The following PTPRD variants were observed in gnomAD, a reference collection of about 807,000 sequenced individuals.
PTPRD encodes the protein receptor-type tyrosine-protein phosphatase delta.
Under a neutral mutation model 214.5 loss-of-function variants are expected in PTPRD, and 34 were observed. That is an observed-to-expected ratio of 0.16 (90% confidence interval 0.12 to 0.21). The LOEUF (loss-of-function observed/expected upper bound fraction) is 0.21. PTPRD is among the 10% of genes least tolerant of loss of function. PTPRD has a pLI of 1.00. For missense variants in PTPRD, 2,545 were observed against 2,398.7 expected, an observed-to-expected ratio of 1.06 and a Z score of -1.27; for synonymous variants, 1,128 against 845.7, an observed-to-expected ratio of 1.33 and a Z score of -5.79.
Position 9,382,087 on chromosome 9 carries a change from T to G in PTPRD, c.-203+15362A>C, listed in dbSNP as rs183497079. ...GCTCTGTAGTTTTCAGTATATGAGT[T>G]TTTCATTTCCTTGTTTAAGTTTATT... On this transcript the variant is annotated intron_variant, in intron 9 of 45. Coordinates refer to ENST00000381196, the MANE Select transcript of PTPRD (RefSeq NM_002839.4). Among the ~76,000 whole-genome samples, 349 of 152,270 alleles carry G rather than the reference T, an allele frequency of 2.3e-3. 2 individuals carry two copies. The highest frequency in any genetic ancestry group is 7.7e-3 in the African/African-American group (320 of 41,574).
chr9:10,432,894 T>C lies in PTPRD; in HGVS notation c.-599-91877A>G, dbSNP rs1475400709. 2.0e-5 allele frequency among the ~76,000 whole-genome samples: 3 copies of C among 151,904 alleles called. No individual in the cohort carries two copies. In the Admixed American group the frequency reaches 2.0e-4, roughly 10 times the overall value. On this transcript the variant is annotated intron_variant, in intron 2 of 45. Transcript: ENST00000381196. ...TTATTTTTGCTCATAGTGTCCAGTG[T>C]TCCTTCTTTATTGGAGCTTACCCCA... is the stretch of plus-strand genomic sequence containing the variant.
intron 4 of PTPRD, among the ~76,000 whole-genome samples, chr9:9,993,556 C>T (rs558187432): frequency 1.1e-4 from 17 of 152,188 alleles, no homozygotes; most frequent in African/African-American, 4.1e-4. Flanking sequence ...AGGAAAAATA[C>T]ATTTTACTTG....
chr9:10,410,285 A>ACAC (rs149864190), intron 2 of PTPRD, among the ~76,000 whole-genome samples: 1 of 141,358 alleles, frequency 7.1e-6, no homozygotes, highest in East Asian at 2.7e-4. Context: ...ACACACACAC[A>ACAC]ATATATAATA....
chr9:9,596,941 G>A (rs1037127174), intron 7 of PTPRD, among the ~76,000 whole-genome samples: 12 of 151,932 alleles, frequency 7.9e-5, no homozygotes, highest in African/African-American at 2.9e-4. Context: ...TGTTTAGAAA[G>A]GATTATTCTG....
At chr9:8,404,414 C>G in intron 36 of PTPRD, 123 bp downstream of exon 36, 1 of 1,309,642 alleles carries the variant, frequency 7.6e-7, no homozygotes, top group Non-Finnish European at 1.0e-6. Flanking sequence ...CAGGCGTGAG[C>G]CACCATGCAC....
rs553019963 is a variant in PTPRD, at chr9:9,908,826, G to A, written c.-368+29681C>T. Among the ~76,000 whole-genome samples the A allele has an allele frequency of 2.0e-5, 3 of 152,000 alleles. No homozygotes were observed. The South Asian group carries it at 6.2e-4, about 31-fold the overall frequency. On this transcript the variant is annotated intron_variant, in intron 5 of 45. Coordinates refer to ENST00000381196, the MANE Select transcript of PTPRD (RefSeq NM_002839.4). ...TTTGAAAATAGGCACTCATACAAAT[G>A]CTAGGTCTAAGAATAAAAATATTAT...
chr9:9,511,016 C>T (rs1212469792), intron 8 of PTPRD, among the ~76,000 whole-genome samples: 1 of 151,628 alleles, frequency 6.6e-6, no homozygotes, highest in Non-Finnish European at 1.5e-5. Context: ...TTAATGAAGT[C>T]GAGCAAAATA....
intron 7 of PTPRD, among the ~76,000 whole-genome samples, chr9:9,575,322 A>T (rs2088114770): frequency 1.3e-5 from 2 of 152,286 alleles, no homozygotes; most frequent in East Asian, 3.9e-4. Context: ...TGTACATCCT[A>T]AATTATTTAA....
intron 2 of PTPRD, among the ~76,000 whole-genome samples, chr9:10,391,692 C>T (rs1456054668): frequency 6.6e-6 from 1 of 151,772 alleles, no homozygotes; most frequent in Non-Finnish European, 1.5e-5. Flanking sequence ...GTGGGTTCCC[C>T]AGAAAGTTCT....
chr9:9,219,278 C>T (rs938033636), intron 9 of PTPRD, among the ~76,000 whole-genome samples: 1 of 152,070 alleles, frequency 6.6e-6, no homozygotes, highest in East Asian at 1.9e-4. Flanking sequence ...TACAGCTTGA[C>T]ATAGTACAAT....
chr9:8,437,098 G>C (rs1381122391), intron 34 of PTPRD: 9 of 826,342 alleles, frequency 1.1e-5, no homozygotes, highest in Non-Finnish European at 1.5e-5. Flanking sequence ...ATGGTGTAAA[G>C]TGAAATAAGA....
intron 11 of PTPRD, among the ~76,000 whole-genome samples, chr9:8,847,616 T>C (rs1239560330): frequency 6.6e-6 from 1 of 152,154 alleles, no homozygotes; most frequent in Non-Finnish European, 1.5e-5. Flanking sequence ...TACCTTCTTG[T>C]CAGAGAAAAA....
chr9:8,777,084 G>A (rs1322465621), intron 11 of PTPRD, among the ~76,000 whole-genome samples: 1 of 151,372 alleles, frequency 6.6e-6, no homozygotes, highest in Non-Finnish European at 1.5e-5. Flanking sequence ...AGCCTCAAGA[G>A]ATCTTCCACC....
rs561901140 is a variant in PTPRD, at chr9:10,450,965, C to T, written c.-599-109948G>A. On this transcript the variant is annotated intron_variant, in intron 2 of 45. Coordinates refer to ENST00000381196, the MANE Select transcript of PTPRD (RefSeq NM_002839.4). ...CTAAGTACTCTGAGAAGTCAAAACC[C>T]ATATTGCTAGCAATCCTACATGTAA... 2.1e-3 allele frequency among the ~76,000 whole-genome samples: 325 copies of T among 152,032 alleles called. 6 individuals carry two copies. Among genetic ancestry groups the T allele is most frequent in the African/African-American group, 7.1e-3 (293 of 41,364 alleles).
At chr9:10,100,227 G>A (rs150750740) in intron 3 of PTPRD, among the ~76,000 whole-genome samples, 6 of 151,786 alleles carry the variant, frequency 4.0e-5, no homozygotes, top group African/African-American at 1.4e-4. Context: ...AACTGAGAAT[G>A]TTTAGTACAT....
At chr9:9,048,895 A>G (rs923855362) in intron 10 of PTPRD, among the ~76,000 whole-genome samples, 5 of 152,192 alleles carry the variant, frequency 3.3e-5, no homozygotes, top group African/African-American at 9.6e-5. Context: ...TACACATTGC[A>G]TGTCTGTATC....
At chr9:8,564,690 G>C (rs1048156208) in intron 14 of PTPRD, among the ~76,000 whole-genome samples, 3 of 152,070 alleles carry the variant, frequency 2.0e-5, no homozygotes, top group African/African-American at 7.2e-5. Flanking sequence ...ACAGAATGAA[G>C]ACTCTGTCTC....
chr9:8,606,499 G>A (rs1337376599), intron 14 of PTPRD, among the ~76,000 whole-genome samples: 2 of 152,120 alleles, frequency 1.3e-5, no homozygotes, highest in East Asian at 1.9e-4. Flanking sequence ...ACCATATGAT[G>A]TATAAAAGAG....
intron 14 of PTPRD, among the ~76,000 whole-genome samples, chr9:8,629,405 T>C (rs1440974058): frequency 1.3e-5 from 2 of 151,884 alleles, no homozygotes; most frequent in African/African-American, 2.4e-5. Context: ...TATTACATGG[T>C]TTCCTGCTGA....
Sources: allele counts gnomAD v4.1 joint callset (sites outside exome capture counted in the v4.1 genomes callset), GRCh38; gene constraint gnomAD v4.1.1; transcripts MANE v1.5; gene names NCBI Gene and HGNC (gene_info 2026-07-23, HGNC 2026-07-21).